RELL1: variants seen among roughly 807,000 people sequenced by gnomAD.
RELL1 encodes the protein RELT-like protein 1.
RELL1 carries 10 observed loss-of-function variants against 23.0 expected under a neutral mutation model. The ratio of observed to expected loss-of-function variants is 0.43; its 90% CI spans 0.27 to 0.74. The LOEUF is 0.74. Among genes scored for constraint, RELL1 ranks in the 30% least tolerant of loss-of-function variants. The pLI is 0.19. For missense variants in RELL1, 315 were observed against 364.4 expected, an observed-to-expected ratio of 0.86 and a Z score of 1.10; for synonymous variants, 146 against 146.8, an observed-to-expected ratio of 0.99 and a Z score of 0.04.
At position 37,612,828 on chromosome 4, in the gene RELL1, T is replaced by TGAA. The variant is rs1460921337; in HGVS notation, c.*515_*517dup. The TGAA allele has an allele frequency of 1.3e-5, 2 of 152,106 alleles. No individual in the cohort carries two copies. The highest frequency in any genetic ancestry group is 2.9e-5 in the Non-Finnish European group (2 of 68,040). 9.4% of individuals were successfully genotyped at this position (152,106 alleles called of 1,614,324 possible). ...ATTATTTCCACTGAGCTTTTACCAC[T>TGAA]GAAGATTCATCTTTTATCTTTTGTA... On this transcript the variant is annotated 3_prime_UTR_variant, in exon 7 of 7. Transcript: ENST00000454158.
intron 3 of RELL1, among the ~76,000 whole-genome samples, 186 bp from the exon 4 acceptor site, chr4:37,638,690 T>G (rs1254278720): frequency 1.3e-5 from 2 of 152,090 alleles, no homozygotes; most frequent in East Asian, 3.8e-4. Flanking sequence ...GTCAGTAACT[T>G]CCACCCCACA....
At chr4:37,658,375 C>G (rs749597570) in intron 1 of RELL1, among the ~76,000 whole-genome samples, 5 of 152,134 alleles carry the variant, frequency 3.3e-5, no homozygotes, top group Non-Finnish European at 7.3e-5. Flanking sequence ...CTGATTCACA[C>G]TAGTTTATTA....
intron 5 of RELL1, among the ~76,000 whole-genome samples, chr4:37,634,239 C>T (rs770869308): frequency 1.3e-5 from 2 of 152,234 alleles, no homozygotes; most frequent in Non-Finnish European, 2.9e-5. Flanking sequence ...AAAGCACCAC[C>T]CACTAAAAGA....
In RELL1 at chr4:37,675,461, CT is replaced by C. The variant is rs143812415; in HGVS notation, c.88+10738del. ...AGAACAGAGAATAACATGCAACCTG[CT>C]CCACACAGTGGTTGCAAGAATTAAA... On this transcript the variant is annotated intron_variant, in intron 1 of 6. Coordinates refer to ENST00000454158, the MANE Select transcript of RELL1 (RefSeq NM_001085400.2). Among the ~76,000 whole-genome samples the C allele has an allele frequency of 6.8e-4, 104 of 152,268 alleles. 3 individuals are homozygous for C. In the East Asian group the frequency reaches 0.019, roughly 27 times the overall value.
In RELL1 at chr4:37,631,479, C is replaced by T. The variant is rs772238297; in HGVS notation, c.725G>A (p.Arg242Gln). The change falls in exon 6 of 7, where the codon CGG becomes CAG. Residue 242 changes from arginine (R) to glutamine (Q), a missense_variant. Transcript: ENST00000454158. Reference sequence around the variant, plus strand: ...CCCACTAACAGACATCAGGCTTCTCCGTTCCTTCTGGTTTGACTTGTGCTC... The same window carrying T: ...CCCACTAACAGACATCAGGCTTCTCTGTTCCTTCTGGTTTGACTTGTGCTC... The part of the protein sequence containing the change: ...KVEHKSNQKE[R>Q]RSLMSVSGAE... The T allele has an allele frequency of 3.2e-5, 52 of 1,614,006 alleles. No individual in the cohort carries two copies. Among genetic ancestry groups the T allele is most frequent in the Admixed American group, 1.7e-4 (10 of 59,994 alleles).
intron 1 of RELL1, among the ~76,000 whole-genome samples, chr4:37,677,515 T>C (rs1335050510): frequency 6.6e-6 from 1 of 152,224 alleles, no homozygotes; most frequent in Non-Finnish European, 1.5e-5. Flanking sequence ...CATGTCATCA[T>C]CAAATCTACA....
chr4:37,588,921 T>C, downstream of RELL1: 1 of 1,596,006 alleles, frequency 6.3e-7, no homozygotes, highest in Non-Finnish European at 8.6e-7. Flanking sequence ...GAAATACTAC[T>C]TCTAAATGGA....
At chr4:37,646,069 C>T (rs891344344) in intron 3 of RELL1, among the ~76,000 whole-genome samples, 3 of 152,176 alleles carry the variant, frequency 2.0e-5, no homozygotes, top group Admixed American at 6.5e-5. Context: ...TATCAGTCCA[C>T]GAGCCCATGC....
intron 1 of RELL1, among the ~76,000 whole-genome samples, chr4:37,670,448 C>A (rs558183397): frequency 2.6e-4 from 39 of 152,220 alleles, no homozygotes; most frequent in African/African-American, 8.7e-4. Context: ...TGGTGAAAAC[C>A]ACAGGAAACA....
chr4:37,600,867 T>G (rs1289375007), intron 6 of RELL1, among the ~76,000 whole-genome samples: 2 of 151,932 alleles, frequency 1.3e-5, no homozygotes, highest in African/African-American at 2.4e-5. Context: ...CCATATATTT[T>G]TTCAATTTGG....
chr4:37,586,600 G>T (rs537123981), downstream of RELL1, among the ~76,000 whole-genome samples: 32 of 152,262 alleles, frequency 2.1e-4, no homozygotes, highest in South Asian at 1.9e-3. Context: ...AAATTACTAC[G>T]AACTTAGAGG....
Position 37,613,313 on chromosome 4 carries a change from T to G in RELL1, c.*33A>C, listed in dbSNP as rs1356182485. 1 of 152,134 alleles carries G rather than the reference T, an allele frequency of 6.6e-6. No individual in the cohort carries two copies. Among genetic ancestry groups the G allele is most frequent in the Non-Finnish European group, 1.5e-5 (1 of 68,034 alleles). The allele number at this position is 152,134 out of a possible 1,614,324, so 9.4% of individuals were successfully genotyped here. A position where few individuals can be genotyped will look rare whatever the true frequency, so the allele number is the denominator to read the frequency against. On this transcript the variant is annotated 3_prime_UTR_variant, in exon 7 of 7. Coordinates refer to ENST00000454158, the MANE Select transcript of RELL1 (RefSeq NM_001085400.2). ...AAGGCAACTTCATATAAGTTTTCAG[T>G]CTCTTAGAGCTCTTCAAGTCAAGTC...
At chr4:37,637,822 A>T (rs759025086) in intron 4 of RELL1, among the ~76,000 whole-genome samples, 2 of 152,188 alleles carry the variant, frequency 1.3e-5, no homozygotes, top group Non-Finnish European at 2.9e-5. Flanking sequence ...AACAACCATA[A>T]CCTAAAATAG....
At chr4:37,656,768 G>A (rs1031011207) in intron 1 of RELL1, among the ~76,000 whole-genome samples, 5 of 152,130 alleles carry the variant, frequency 3.3e-5, no homozygotes, top group African/African-American at 7.2e-5. Context: ...CAGCTTCCTC[G>A]GCACTTTCTT....
At chr4:37,640,283 C>CT (rs1395974184) in intron 3 of RELL1, among the ~76,000 whole-genome samples, 1 of 152,180 alleles carries the variant, frequency 6.6e-6, no homozygotes, top group Non-Finnish European at 1.5e-5. Context: ...ATAAGACCTC[C>CT]TGTCATTACA....
intron 6 of RELL1, among the ~76,000 whole-genome samples, chr4:37,596,851 C>T (rs1490885257): frequency 7.0e-6 from 1 of 143,502 alleles, no homozygotes; most frequent in African/African-American, 2.5e-5. Flanking sequence ...TGGGTTCAAG[C>T]GATTCTCCTG....
At chr4:37,603,164 G>A (rs931182451) in intron 6 of RELL1, among the ~76,000 whole-genome samples, 1 of 152,172 alleles carries the variant, frequency 6.6e-6, no homozygotes, top group African/African-American at 2.4e-5. Flanking sequence ...CCCAACGGCC[G>A]TGCAGTTCTC....
intron 6 of RELL1, among the ~76,000 whole-genome samples, chr4:37,601,454 C>G (rs1719013957): frequency 6.6e-6 from 1 of 152,200 alleles, no homozygotes. Flanking sequence ...TATCTTCATT[C>G]TGTAGTTAGA....
chr4:37,628,737 C>A (rs182705592), intron 6 of RELL1, among the ~76,000 whole-genome samples: 1 of 152,132 alleles, frequency 6.6e-6, no homozygotes, highest in South Asian at 2.1e-4. Flanking sequence ...CCTTATTTCA[C>A]GTTCAAGGAA....
Sources: gnomAD v4.1 joint callset for allele counts (sites outside exome capture counted in the v4.1 genomes callset) on GRCh38, gnomAD v4.1.1 for gene constraint, MANE v1.5 for transcripts, NCBI Gene and HGNC (gene_info 2026-07-23, HGNC 2026-07-21) for gene names.